The following ARMH1 variants were observed in gnomAD, a reference collection of about 807,000 sequenced individuals.
ARMH1 encodes armadillo-like helical domain containing protein 1.
ARMH1 carries 34 observed loss-of-function variants against 50.2 expected under a neutral mutation model. That is an observed-to-expected ratio of 0.68 (90% CI 0.51 to 0.90). ARMH1 has a LOEUF of 0.90. Among genes scored for constraint, ARMH1 ranks in the 40% least tolerant of loss-of-function variants. The pLI is 0.00. For synonymous variants in ARMH1, 221 were observed against 224.2 expected (o/e 0.99, Z 0.13); for missense variants, 538 against 553.9 (o/e 0.97, Z 0.29).
intron 2 of ARMH1, among the ~76,000 whole-genome samples, chr1:44,691,202 G>A (rs952581592): frequency 1.3e-5 from 2 of 151,984 alleles, no homozygotes; most frequent in African/African-American, 4.8e-5. Flanking sequence ...AGGTTGCAGT[G>A]AGCCAAGATC....
chr1:44,697,681 C>T (rs914607869), intron 3 of ARMH1, among the ~76,000 whole-genome samples: 2 of 152,160 alleles, frequency 1.3e-5, no homozygotes, highest in African/African-American at 2.4e-5. Flanking sequence ...CTTTGAGCCT[C>T]ATTGGACCAA....
chr1:44,722,876 GGT>G (rs1294749733), intron 6 of ARMH1, among the ~76,000 whole-genome samples: 1 of 146,818 alleles, frequency 6.8e-6, no homozygotes, highest in Non-Finnish European at 1.5e-5. Flanking sequence ...TGGCCAAGAT[GGT>G]GAAACCCCAT....
chr1:44,693,679 C>T (rs1645733441), intron 2 of ARMH1, among the ~76,000 whole-genome samples: 2 of 152,170 alleles, frequency 1.3e-5, no homozygotes, highest in South Asian at 4.1e-4. Context: ...TCATCTCAAA[C>T]TCCTGGGCTC....
At chr1:44,714,812 A>C (rs1419630502) in intron 6 of ARMH1, among the ~76,000 whole-genome samples, 2 of 149,662 alleles carry the variant, frequency 1.3e-5, no homozygotes, top group African/African-American at 4.9e-5. Flanking sequence ...TGCCTGGCTA[A>C]TTTTTTTTTT....
intron 6 of ARMH1, among the ~76,000 whole-genome samples, chr1:44,706,973 C>T (rs541992725): frequency 1.6e-3 from 243 of 152,274 alleles, no homozygotes; most frequent in East Asian, 3.9e-3. Context: ...GCCCACTCCT[C>T]CTCATCCGTC....
chr1:44,685,945 G>A (rs573672230), intron 1 of ARMH1, among the ~76,000 whole-genome samples: 8 of 152,096 alleles, frequency 5.3e-5, no homozygotes, highest in Non-Finnish European at 7.3e-5. Flanking sequence ...TATTTCTAAC[G>A]CGGAGTTATA....
intron 6 of ARMH1, among the ~76,000 whole-genome samples, chr1:44,711,792 C>T (rs181528384): frequency 1.9e-3 from 286 of 152,330 alleles, no homozygotes; most frequent in Middle Eastern, 0.01. Context: ...TAACTCATAA[C>T]TACTACTAGT....
At chr1:44,725,267 C>A in intron 11 of ARMH1, 24 bp from the exon 12 acceptor site, 1 of 1,551,812 alleles carries the variant, frequency 6.4e-7, no homozygotes, top group Non-Finnish European at 8.7e-7. Context: ...AGCACAGCCT[C>A]ACGCCCGCCT....
chr1:44,712,459 A>G (rs1476319317), intron 6 of ARMH1, among the ~76,000 whole-genome samples: 1 of 147,904 alleles, frequency 6.8e-6, no homozygotes, highest in Non-Finnish European at 1.5e-5. Context: ...ACTCCATGAA[A>G]CTCTGTCTCT....
At chr1:44,713,639 AT>A (rs912430484) in intron 6 of ARMH1, among the ~76,000 whole-genome samples, 7 of 152,188 alleles carry the variant, frequency 4.6e-5, no homozygotes, top group African/African-American at 1.7e-4. Context: ...CTTCCAGGGG[AT>A]TTAAGTGAAA....
At chr1:44,704,693 G>A (rs1380045678) in intron 6 of ARMH1, among the ~76,000 whole-genome samples, 4 of 151,654 alleles carry the variant, frequency 2.6e-5, no homozygotes, top group African/African-American at 9.7e-5. Flanking sequence ...TTAATTTTTT[G>A]CAGAAACGAG....
intron 1 of ARMH1, among the ~76,000 whole-genome samples, chr1:44,680,323 C>T (rs968303508): frequency 2.6e-5 from 4 of 152,242 alleles, no homozygotes; most frequent in South Asian, 2.1e-4. Context: ...ACTACAGGCG[C>T]GTGCCACCAC....
intron 6 of ARMH1, among the ~76,000 whole-genome samples, chr1:44,716,234 C>T (rs749109978): frequency 1.9e-4 from 29 of 152,242 alleles, no homozygotes; most frequent in Non-Finnish European, 3.1e-4. Context: ...TTAATTACCA[C>T]GACTTTATGT....
At chr1:44,710,836 G>C (rs1323084572) in intron 6 of ARMH1, among the ~76,000 whole-genome samples, 3 of 152,108 alleles carry the variant, frequency 2.0e-5, no homozygotes, top group Non-Finnish European at 4.4e-5. Flanking sequence ...CCTGAATTCA[G>C]CGAGCAGCTA....
intron 1 of ARMH1, among the ~76,000 whole-genome samples, chr1:44,679,499 C>A (rs537034398): frequency 6.6e-6 from 1 of 152,342 alleles, no homozygotes; most frequent in African/African-American, 2.4e-5. Context: ...AAAAAAATTT[C>A]TCCCCTTCTT....
chr1:44,702,439 C>T lies in ARMH1; in HGVS notation c.639+1320C>T, dbSNP rs191153795. 9.4e-3 allele frequency among the ~76,000 whole-genome samples: 1,434 copies of T among 152,058 alleles called. 8 individuals are homozygous for T. The highest frequency in any genetic ancestry group is 0.017 in the Non-Finnish European group (1,133 of 67,952). ...AAAAAAGGGCAATGACAGGGCCGGG[C>T]GCAGTGGCTTACTCCTGTAATCCCA... On this transcript the variant is annotated intron_variant, in intron 5 of 11. Coordinates refer to ENST00000535358, the MANE Select transcript of ARMH1 (RefSeq NM_001145636.2).
rs151331348 is a variant in ARMH1, at chr1:44,725,507, G to T, written c.*104G>T. 278 of 1,142,014 alleles carry T rather than the reference G, an allele frequency of 2.4e-4. 4 individuals are homozygous for T. In the East Asian group the frequency reaches 6.7e-3, roughly 27 times the overall value. 70.7% of individuals were successfully genotyped at this position (1,142,014 alleles called of 1,614,324 possible). On this transcript the variant is annotated 3_prime_UTR_variant, in exon 12 of 12. Coordinates refer to ENST00000535358, the MANE Select transcript of ARMH1 (RefSeq NM_001145636.2). The stretch of plus-strand genomic sequence containing the variant: ...TCAGAGCCACTCCACTTGGCTCCAG[G>T]GGGGAGACGGGGATTAGGCATCCCA...
rs1241151558 is a variant in ARMH1, at chr1:44,679,890, C to T, written c.-23+5017C>T. 2.6e-5 allele frequency among the ~76,000 whole-genome samples: 4 copies of T among 152,352 alleles called. No homozygotes were observed. In the East Asian group the frequency reaches 5.8e-4, roughly 22 times the overall value. ...ATGCCAGGTCCTAGGGACACAGAGA[C>T]AGGGAAGACCAACCCCTGCCCTTGA... On this transcript the variant is annotated intron_variant, in intron 1 of 11. Transcript: ENST00000535358.
At chr1:44,677,402 G>C (rs79775473) in intron 1 of ARMH1, among the ~76,000 whole-genome samples, 2,152 of 152,260 alleles carry the variant, frequency 0.014, 51 homozygotes, top group African/African-American at 0.049. Context: ...ACAATGGAAG[G>C]ACAAAGGACA....
Sources: gnomAD v4.1 joint callset for allele counts (sites outside exome capture counted in the v4.1 genomes callset) on GRCh38, gnomAD v4.1.1 for gene constraint, MANE v1.5 for transcripts, NCBI Gene and HGNC (gene_info 2026-07-23, HGNC 2026-07-21) for gene names.